The following DDHD1 variants were observed in gnomAD, a reference collection of about 807,000 sequenced individuals.
The protein encoded by DDHD1 is phospholipase DDHD1.
A neutral mutation model predicts 96.4 loss-of-function variants in DDHD1; 49 were observed. The ratio of observed to expected loss-of-function variants is 0.51; its 90% CI spans 0.40 to 0.64. The LOEUF (loss-of-function observed/expected upper bound fraction) is 0.64, where lower values mean the gene tolerates loss of function less well. DDHD1 is among the 30% of genes least tolerant of loss of function. The pLI, the probability that DDHD1 is intolerant of heterozygous loss-of-function variation, is 0.00. For synonymous variants in DDHD1, 442 were observed against 446.5 expected, an observed-to-expected ratio of 0.99 and a Z score of 0.13; for missense variants, 1,106 against 1,161.2, an observed-to-expected ratio of 0.95 and a Z score of 0.69.
At chr14:53,152,186 TC>T in intron 1 of DDHD1, 74 bp downstream of exon 1, 1 of 1,438,564 alleles carries the variant, frequency 7.0e-7, no homozygotes, top group Non-Finnish European at 9.3e-7. Context: ...CGGCGACCAG[TC>T]CCAAACCCAC....
intron 1 of DDHD1, among the ~76,000 whole-genome samples, chr14:53,133,371 TCAGA>T (rs1214012195): frequency 2.0e-5 from 3 of 152,332 alleles, no homozygotes; most frequent in East Asian, 3.9e-4. Context: ...TTCCATTCTC[TCAGA>T]CATACTTCCT....
At chr14:53,110,318 C>A (rs1374206669) in intron 1 of DDHD1, among the ~76,000 whole-genome samples, 2 of 152,204 alleles carry the variant, frequency 1.3e-5, no homozygotes, top group Non-Finnish European at 2.9e-5. Context: ...ACTCTCACCA[C>A]CATTACCCAA....
At position 53,040,876 on chromosome 14, in the gene DDHD1, T is replaced by G. The variant is rs1175614599; in HGVS notation, c.*5892A>C. On this transcript the variant is annotated 3_prime_UTR_variant, in exon 13 of 13. Transcript: ENST00000673822. ...GGAGCTGAAAGAAAGGAAACAAGGG[T>G]CTCAGGAGAGTTATGGTGCCAGCTG... 6.6e-6 allele frequency: 1 copy of G among 151,882 alleles called. No homozygotes were observed. The highest frequency in any genetic ancestry group is 1.5e-5 in the Non-Finnish European group (1 of 67,978). 9.4% of individuals were successfully genotyped at this position (151,882 alleles called of 1,614,324 possible). A position where few individuals can be genotyped will look rare whatever the true frequency, so the allele number is the denominator to read the frequency against.
chr14:53,058,714 T>C, intron 8 of DDHD1, 88 bp from the exon 9 acceptor site: 1 of 1,136,020 alleles, frequency 8.8e-7, no homozygotes. Context: ...TATGGCAAAA[T>C]ACAAATAATA....
chr14:53,082,011 C>G (rs776812979), intron 4 of DDHD1, among the ~76,000 whole-genome samples: 1 of 152,136 alleles, frequency 6.6e-6, no homozygotes, highest in Non-Finnish European at 1.5e-5. Flanking sequence ...TTACTAAAAA[C>G]AGTAAAATCT....
At chr14:53,096,300 T>A in intron 2 of DDHD1, 1 of 433,250 alleles carries the variant, frequency 2.3e-6, no homozygotes, top group Non-Finnish European at 3.1e-6. Flanking sequence ...GTATTAACTT[T>A]AAAAAATGAG....
intron 1 of DDHD1, among the ~76,000 whole-genome samples, chr14:53,146,476 C>T (rs1043534765): frequency 3.0e-4 from 43 of 145,554 alleles, no homozygotes; most frequent in African/African-American, 1.1e-3. Context: ...TGTACTTCAT[C>T]CAGGGCAACA....
chr14:53,139,843 C>A (rs201638768), intron 1 of DDHD1, among the ~76,000 whole-genome samples: 9 of 131,226 alleles, frequency 6.9e-5, no homozygotes, highest in African/African-American at 1.7e-4. Context: ...CAAGAGACCA[C>A]AAAAAAAAAA....
At chr14:53,117,214 C>T (rs903164936) in intron 1 of DDHD1, among the ~76,000 whole-genome samples, 12 of 152,180 alleles carry the variant, frequency 7.9e-5, no homozygotes, top group African/African-American at 2.4e-4. Flanking sequence ...TGGTCTGCAG[C>T]TCCCAGTGAG....
At chr14:53,080,578 ATATT>A (rs1885375114) in intron 4 of DDHD1, among the ~76,000 whole-genome samples, 1 of 151,928 alleles carries the variant, frequency 6.6e-6, no homozygotes, top group African/African-American at 2.4e-5. Context: ...CCTAGACAAT[ATATT>A]TATCAATATT....
At chr14:53,141,967 G>C (rs1890669890) in intron 1 of DDHD1, among the ~76,000 whole-genome samples, 1 of 151,918 alleles carries the variant, frequency 6.6e-6, no homozygotes, top group Non-Finnish European at 1.5e-5. Flanking sequence ...TCTATTTAAA[G>C]AGCAAATATA....
At chr14:53,069,142 T>C (rs1884302597) in intron 6 of DDHD1, among the ~76,000 whole-genome samples, 2 of 152,234 alleles carry the variant, frequency 1.3e-5, no homozygotes, top group Admixed American at 1.3e-4. Context: ...CATGATTCTC[T>C]TGAGCATCTT....
intron 4 of DDHD1, among the ~76,000 whole-genome samples, chr14:53,086,350 T>G (rs1253293432): frequency 6.6e-6 from 1 of 152,052 alleles, no homozygotes; most frequent in East Asian, 1.9e-4. Flanking sequence ...CACATAATTG[T>G]CAGATTCACC....
At chr14:53,138,795 C>T (rs1890425691) in intron 1 of DDHD1, among the ~76,000 whole-genome samples, 1 of 152,138 alleles carries the variant, frequency 6.6e-6, no homozygotes, top group Admixed American at 6.5e-5. Flanking sequence ...CTTCAGACAC[C>T]AGAGGAAATT....
At chr14:53,052,091 T>C (rs1882636965) in intron 11 of DDHD1, among the ~76,000 whole-genome samples, 164 bp from the exon 12 acceptor site, 1 of 152,030 alleles carries the variant, frequency 6.6e-6, no homozygotes, top group Admixed American at 6.6e-5. Flanking sequence ...AGCTCTTTCA[T>C]GGAAAATGTA....
At chr14:53,068,801 ACTTTAAGAC>A (rs1884268286) in intron 6 of DDHD1, among the ~76,000 whole-genome samples, 2 of 152,138 alleles carry the variant, frequency 1.3e-5, no homozygotes, top group Non-Finnish European at 2.9e-5. Context: ...GTGGGGATAT[ACTTTAAGAC>A]CATGTAAATA....
At chr14:53,143,296 C>T (rs1890763167) in intron 1 of DDHD1, among the ~76,000 whole-genome samples, 1 of 152,190 alleles carries the variant, frequency 6.6e-6, no homozygotes, top group Non-Finnish European at 1.5e-5. Context: ...AACTGATGAG[C>T]TGTGGTAAGG....
intron 1 of DDHD1, among the ~76,000 whole-genome samples, chr14:53,141,677 G>C (rs1056843752): frequency 2.0e-5 from 3 of 152,160 alleles, no homozygotes; most frequent in Non-Finnish European, 4.4e-5. Context: ...CTTCATCTTA[G>C]CTAGAAAGTT....
At chr14:53,099,578 C>T (rs1187385774) in intron 2 of DDHD1, among the ~76,000 whole-genome samples, 1 of 152,100 alleles carries the variant, frequency 6.6e-6, no homozygotes, top group Non-Finnish European at 1.5e-5. Context: ...CTGCACTTAC[C>T]CATTCAGTTC....
Sources: allele counts gnomAD v4.1 joint callset (sites outside exome capture counted in the v4.1 genomes callset), GRCh38; gene constraint gnomAD v4.1.1; transcripts MANE v1.5; gene names NCBI Gene and HGNC (gene_info 2026-07-23, HGNC 2026-07-21).